Variants in UVRAG observed in about 807,000 individuals in gnomAD.
UVRAG encodes the protein UV radiation resistance-associated gene protein.
Under a neutral mutation model 78.0 loss-of-function variants are expected in UVRAG, and 19 were observed. The ratio of observed to expected loss-of-function variants is 0.24; its 90% CI spans 0.17 to 0.36. UVRAG has a LOEUF of 0.36. Among genes scored for constraint, UVRAG ranks in the 10% least tolerant of loss-of-function variants. The pLI is 1.00. For missense variants in UVRAG, 740 were observed against 853.8 expected, an observed-to-expected ratio of 0.87 and a Z score of 1.66; for synonymous variants, 323 against 324.6, an observed-to-expected ratio of 1.00 and a Z score of 0.05.
chr11:75,960,329 A>G (rs768606394), intron 6 of UVRAG, among the ~76,000 whole-genome samples: 1 of 151,984 alleles, frequency 6.6e-6, no homozygotes, highest in Non-Finnish European at 1.5e-5. Context: ...CTTATATCCC[A>G]TGACCTTGCT....
chr11:75,826,982 A>G lies in UVRAG; in HGVS notation c.117+11458A>G, dbSNP rs145804127. 4.5e-4 allele frequency among the ~76,000 whole-genome samples: 69 copies of G among 152,250 alleles called. 1 individual carries two copies. The East Asian group carries it at 7.9e-3, about 17-fold the overall frequency. ...GAGTCTCACTTTGTTGGTCCATTGA[A>G]ATAGCTGGCGTTTTTTCCTACTGTG... On this transcript the variant is annotated intron_variant, in intron 1 of 14. Coordinates refer to ENST00000356136, the MANE Select transcript of UVRAG (RefSeq NM_003369.4).
At chr11:76,037,260 G>A (rs1335718639) in intron 12 of UVRAG, among the ~76,000 whole-genome samples, 1 of 152,094 alleles carries the variant, frequency 6.6e-6, no homozygotes, top group Non-Finnish European at 1.5e-5. Context: ...ATTCAGGAAT[G>A]AGTCAATGGC....
At chr11:75,821,941 G>GTTTT (rs757078463) in intron 1 of UVRAG, among the ~76,000 whole-genome samples, 6 of 118,552 alleles carry the variant, frequency 5.1e-5, no homozygotes, top group East Asian at 2.4e-4. Context: ...ATTTATCACT[G>GTTTT]TTTTTTTTTT....
At chr11:75,884,435 C>A (rs1009284412) in intron 4 of UVRAG, among the ~76,000 whole-genome samples, 16 of 151,922 alleles carry the variant, frequency 1.1e-4, no homozygotes, top group African/African-American at 3.9e-4. Context: ...TCCACTATGT[C>A]AGTTTTTGCT....
At chr11:75,874,008 T>C (rs1946708008) in intron 3 of UVRAG, among the ~76,000 whole-genome samples, 1 of 152,328 alleles carries the variant, frequency 6.6e-6, no homozygotes, top group East Asian at 1.9e-4. Flanking sequence ...AGTAGTGGTC[T>C]AGGCTTTGCT....
chr11:75,830,870 G>T (rs564314709), intron 1 of UVRAG, among the ~76,000 whole-genome samples: 3 of 152,290 alleles, frequency 2.0e-5, no homozygotes, highest in Non-Finnish European at 2.9e-5. Context: ...GTATCCCACA[G>T]TGGTTAAGAA....
intron 6 of UVRAG, among the ~76,000 whole-genome samples, chr11:75,920,030 T>TTTTTTTTTTTTTTTTTTC (rs1947944845): frequency 8.4e-6 from 1 of 118,458 alleles, no homozygotes; most frequent in Admixed American, 8.4e-5. Context: ...TTTTTTTTTT[T>TTTTTTTTTTTTTTTTTTC]TTTTTTTTTT....
intron 14 of UVRAG, among the ~76,000 whole-genome samples, chr11:76,138,004 G>C (rs1952630826): frequency 6.6e-6 from 1 of 152,146 alleles, no homozygotes; most frequent in Non-Finnish European, 1.5e-5. Context: ...CATTACTTGA[G>C]TTTTCATACA....
intron 12 of UVRAG, among the ~76,000 whole-genome samples, chr11:76,031,250 G>C (rs746009345): frequency 1.3e-5 from 2 of 152,142 alleles, no homozygotes; most frequent in Non-Finnish European, 2.9e-5. Flanking sequence ...TTATGTTCAG[G>C]GGTGTGAGCA....
chr11:76,112,716 T>C (rs1952097917), intron 13 of UVRAG, among the ~76,000 whole-genome samples: 2 of 148,798 alleles, frequency 1.3e-5, no homozygotes, highest in Non-Finnish European at 2.9e-5. Context: ...TTTATTCTAT[T>C]TCTTTTTTCT....
intron 7 of UVRAG, among the ~76,000 whole-genome samples, chr11:75,982,259 C>T (rs1949409053): frequency 6.6e-6 from 1 of 152,206 alleles, no homozygotes; most frequent in South Asian, 2.1e-4. Flanking sequence ...TCCAGATTCC[C>T]TATGCAGCTT....
chr11:75,884,212 G>GTCTCTCTCTCTCTCTCTCTCTCTCTC (rs138821865), intron 4 of UVRAG, among the ~76,000 whole-genome samples: 2 of 144,090 alleles, frequency 1.4e-5, no homozygotes, highest in African/African-American at 5.3e-5. Flanking sequence ...TTTGAGATCA[G>GTCTCTCTCTCTCTCTCTCTCTCTCTC]TCTCTCTCTC....
chr11:75,867,594 C>T (rs555729657), intron 3 of UVRAG, among the ~76,000 whole-genome samples: 62 of 152,280 alleles, frequency 4.1e-4, no homozygotes, highest in African/African-American at 1.5e-3. Flanking sequence ...TAAACACTCT[C>T]CTATATGTCT....
chr11:76,023,037 T>A (rs1950273280), intron 12 of UVRAG, among the ~76,000 whole-genome samples: 1 of 152,190 alleles, frequency 6.6e-6, no homozygotes, highest in South Asian at 2.1e-4. Context: ...AAACTCTGTT[T>A]CTATACACCT....
At chr11:75,973,999 A>T (rs185335690) in intron 7 of UVRAG, among the ~76,000 whole-genome samples, 2 of 152,324 alleles carry the variant, frequency 1.3e-5, no homozygotes, top group African/African-American at 4.8e-5. Flanking sequence ...TATTGTGAAT[A>T]GTGCCGCAAT....
chr11:76,133,728 C>CT (rs2134503961), intron 14 of UVRAG, among the ~76,000 whole-genome samples: 1 of 152,030 alleles, frequency 6.6e-6, no homozygotes, highest in African/African-American at 2.4e-5. Context: ...TGGAATGTAC[C>CT]TCAAAGGATT....
intron 13 of UVRAG, among the ~76,000 whole-genome samples, chr11:76,081,486 G>T (rs1951493030): frequency 6.6e-6 from 1 of 152,128 alleles, no homozygotes; most frequent in Non-Finnish European, 1.5e-5. Flanking sequence ...GATTACAGGT[G>T]TGAGTGACCG....
At chr11:76,135,284 C>T (rs771579016) in intron 14 of UVRAG, among the ~76,000 whole-genome samples, 2 of 152,098 alleles carry the variant, frequency 1.3e-5, no homozygotes, top group Non-Finnish European at 2.9e-5. Context: ...TCCTTCTTGT[C>T]GCCACTGTCT....
chr11:76,029,409 C>T lies in UVRAG; in HGVS notation c.1226+12429C>T, dbSNP rs114055658. ...CTGTAGCTGCCATACATAGTGATTC[C>T]TCTGATGGATCTGGGCAAAATCAAT... On this transcript the variant is annotated intron_variant, in intron 12 of 14. Transcript: ENST00000356136. Among the ~76,000 whole-genome samples, 1,368 of 152,084 alleles carry T rather than the reference C, an allele frequency of 9.0e-3. 20 individuals carry two copies. Among genetic ancestry groups the T allele is most frequent in the African/African-American group, 0.031 (1,303 of 41,476 alleles).
Sources: allele counts gnomAD v4.1 joint callset (sites outside exome capture counted in the v4.1 genomes callset), GRCh38; gene constraint gnomAD v4.1.1; transcripts MANE v1.5; gene names NCBI Gene and HGNC (gene_info 2026-07-23, HGNC 2026-07-21).